Variants in MACROD2 observed in about 807,000 individuals in gnomAD.
The protein encoded by MACROD2 is mono-ADP ribosylhydrolase 2, also known as ADP-ribose glycohydrolase MACROD2.
A neutral mutation model predicts 70.4 loss-of-function variants in MACROD2; 36 were observed. The observed-to-expected ratio is 0.51, with a 90% CI of 0.39 to 0.68. The LOEUF is 0.68. MACROD2 is among the 30% of genes least tolerant of loss of function. The probability of loss-of-function intolerance (pLI) is 0.00; values close to 1 mark genes in which losing one functional copy is unlikely to be tolerated. For missense variants in MACROD2, 496 were observed against 538.4 expected (o/e 0.92, Z 0.78); for synonymous variants, 172 against 178.8 (o/e 0.96, Z 0.30).
chr20:15,997,052 A>G (rs1252864670), intron 15 of MACROD2, among the ~76,000 whole-genome samples: 3 of 151,968 alleles, frequency 2.0e-5, no homozygotes, highest in South Asian at 2.1e-4. Flanking sequence ...ATTCTGTTCT[A>G]TTGGTCTGTG....
At chr20:15,457,055 CTTTTTTTTTTTTTTT>C (rs67567968) in intron 7 of MACROD2, among the ~76,000 whole-genome samples, 1 of 132,194 alleles carries the variant, frequency 7.6e-6, no homozygotes, top group African/African-American at 2.9e-5. Flanking sequence ...TTCCTTTCTT[CTTTTTTTTTTTTTTT>C]TTTTTAAAAA....
chr20:15,964,055 A>G (rs1490043375), intron 12 of MACROD2, among the ~76,000 whole-genome samples: 1 of 152,238 alleles, frequency 6.6e-6, no homozygotes, highest in Non-Finnish European at 1.5e-5. Context: ...TCTCAGAATT[A>G]GGTGATAACT....
intron 8 of MACROD2, among the ~76,000 whole-genome samples, chr20:15,560,679 C>G (rs549347153): frequency 7.0e-4 from 98 of 140,178 alleles, no homozygotes; most frequent in African/African-American, 2.5e-3. Context: ...AGGAGAATCA[C>G]TTGAATCTGG....
At chr20:14,482,975 A>T (rs1600287196) in intron 3 of MACROD2, among the ~76,000 whole-genome samples, 2 of 152,176 alleles carry the variant, frequency 1.3e-5, no homozygotes, top group South Asian at 4.1e-4. Context: ...TTAACATATA[A>T]AGTGGAAATA....
chr20:14,200,737 A>C (rs2148747151), intron 3 of MACROD2, among the ~76,000 whole-genome samples: 1 of 152,174 alleles, frequency 6.6e-6, no homozygotes, highest in Admixed American at 6.5e-5. Context: ...TCATCTCTTG[A>C]TTTTATGTTT....
rs961400391 is a variant in MACROD2 at position 14,067,997 on chromosome 20, A to G, written c.164-17624A>G. ...CCATTCAAAATATTAACATAGAGAA[A>G]CAGGACATATAGATCTATAAAACTC... On this transcript the variant is annotated intron_variant, in intron 2 of 17. Coordinates refer to ENST00000684519, the MANE Select transcript of MACROD2 (RefSeq NM_001351661.2). Among the ~76,000 whole-genome samples the G allele has an allele frequency of 3.0e-4, 46 of 152,210 alleles. 1 individual carries two copies. Among genetic ancestry groups the G allele is most frequent in the African/African-American group, 1.1e-3 (46 of 41,448 alleles).
intron 2 of MACROD2, among the ~76,000 whole-genome samples, chr20:14,015,646 C>T (rs6105202): frequency 0.15 from 23,013 of 152,182 alleles, 1,934 homozygotes; most frequent in Admixed American, 0.22. Flanking sequence ...TACAGTCTTC[C>T]TTCTCACCTG....
intron 8 of MACROD2, among the ~76,000 whole-genome samples, chr20:15,692,716 C>T (rs186116167): frequency 6.6e-6 from 1 of 152,228 alleles, no homozygotes; most frequent in East Asian, 1.9e-4. Context: ...TAATATGATT[C>T]ACTTATGACT....
Position 14,382,276 on chromosome 20 carries a change from G to A in MACROD2, c.272-111203G>A, listed in dbSNP as rs553491750. Among the ~76,000 whole-genome samples the A allele has an allele frequency of 4.0e-5, 6 of 151,760 alleles. No individual in the cohort carries two copies. In the South Asian group the frequency reaches 1.3e-3, roughly 32 times the overall value. Reference sequence around the variant, plus strand: ...GGGGTTTCACCATGTTAGCCAGGATGGTCTCGAGCTCCTGACCTTGTGATC... The same window carrying A: ...GGGGTTTCACCATGTTAGCCAGGATAGTCTCGAGCTCCTGACCTTGTGATC... On this transcript the variant is annotated intron_variant, in intron 3 of 17. Coordinates refer to ENST00000684519, the MANE Select transcript of MACROD2 (RefSeq NM_001351661.2).
intron 3 of MACROD2, among the ~76,000 whole-genome samples, chr20:14,118,154 C>T (rs183468418): frequency 1.4e-4 from 21 of 152,162 alleles, no homozygotes; most frequent in Admixed American, 1.4e-3. Context: ...GTATATTAAC[C>T]ATTTGTGGTA....
At chr20:15,428,957 C>A (rs2046333200) in intron 6 of MACROD2, among the ~76,000 whole-genome samples, 1 of 152,006 alleles carries the variant, frequency 6.6e-6, no homozygotes, top group Non-Finnish European at 1.5e-5. Context: ...AGTTTGCTCC[C>A]ATGGAATTCC....
intron 4 of MACROD2, among the ~76,000 whole-genome samples, chr20:14,609,950 T>G (rs184193060): frequency 6.6e-6 from 1 of 152,278 alleles, no homozygotes; most frequent in Non-Finnish European, 1.5e-5. Context: ...AGTAATAAAT[T>G]TTTTGTTCTT....
Position 14,222,813 on chromosome 20 carries a change from GAAAAAAAAA to G in MACROD2, c.271+137106_271+137114del, listed in dbSNP as rs199573606. Among the ~76,000 whole-genome samples, 397 of 132,948 alleles carry G rather than the reference GAAAAAAAAA, an allele frequency of 3.0e-3. 10 individuals carry two copies. The highest frequency in any genetic ancestry group is 0.012 in the East Asian group (50 of 4,070). The allele number at this position is 132,948 out of a possible 152,430, so 87.2% of individuals were successfully genotyped here. ...TTCACAGTTCAACCTTTGGATTTCT[GAAAAAAAAA>G]AAAAAAAAAAAAAAAAAAAAGAATT... On this transcript the variant is annotated intron_variant, in intron 3 of 17. Transcript: ENST00000684519.
intron 5 of MACROD2, among the ~76,000 whole-genome samples, chr20:15,206,727 T>TTTTTTTTTTTTTTC (rs2076708975): frequency 1.6e-5 from 1 of 63,014 alleles, no homozygotes; most frequent in Non-Finnish European, 3.1e-5. Context: ...CTATGTTTTT[T>TTTTTTTTTTTTTTC]TTTTTTTTTT....
In MACROD2 at chr20:14,580,570, T is replaced by TAAGG. The variant is rs575612902; in HGVS notation, c.301+87064_301+87067dup. ...TTTCAAGACACTCCTGGTGATAACA[T>TAAGG]AAGGAGACTGGCATGCCCAGGATTG... On this transcript the variant is annotated intron_variant, in intron 4 of 17. Coordinates refer to ENST00000684519, the MANE Select transcript of MACROD2 (RefSeq NM_001351661.2). Among the ~76,000 whole-genome samples the TAAGG allele has an allele frequency of 2.9e-3, 440 of 152,340 alleles. 2 individuals are homozygous for TAAGG. The highest frequency in any genetic ancestry group is 4.8e-3 in the Non-Finnish European group (324 of 68,030).
At chr20:14,673,935 A>G (rs1316709530) in intron 4 of MACROD2, among the ~76,000 whole-genome samples, 5 of 151,818 alleles carry the variant, frequency 3.3e-5, no homozygotes, top group Non-Finnish European at 7.4e-5. Flanking sequence ...AAAAAAAAAA[A>G]AAAAGGAAAA....
chr20:15,378,602 G>A (rs1440869165), intron 6 of MACROD2, among the ~76,000 whole-genome samples: 1 of 152,010 alleles, frequency 6.6e-6, no homozygotes, highest in Non-Finnish European at 1.5e-5. Flanking sequence ...TTTGTTTTGA[G>A]AGGATAATTT....
intron 2 of MACROD2, among the ~76,000 whole-genome samples, chr20:14,033,085 C>CTTTTTTTTTTTT: frequency 7.5e-6 from 1 of 132,634 alleles, no homozygotes; most frequent in Non-Finnish European, 1.6e-5. Context: ...CTTGGTTTTT[C>CTTTTTTTTTTTT]TTTTTTTTTT....
intron 5 of MACROD2, among the ~76,000 whole-genome samples, chr20:15,063,977 G>A (rs916140794): frequency 2.6e-5 from 4 of 152,208 alleles, no homozygotes; most frequent in East Asian, 1.9e-4. Context: ...ACATGTTTTC[G>A]TTAAGTCTAA....
Sources: allele counts gnomAD v4.1 joint callset (sites outside exome capture counted in the v4.1 genomes callset), GRCh38; gene constraint gnomAD v4.1.1; transcripts MANE v1.5; gene names NCBI Gene and HGNC (gene_info 2026-07-23, HGNC 2026-07-21).